Variants in ZFAND4 observed in about 807,000 individuals in gnomAD.
ZFAND4 encodes the protein AN1-type zinc finger protein 4.
In ZFAND4, 43 loss-of-function variants were observed where a neutral mutation model predicts 64.4. The observed-to-expected ratio is 0.67, with a 90% CI of 0.52 to 0.86. The LOEUF is 0.86. Among genes scored for constraint, ZFAND4 ranks in the 40% least tolerant of loss-of-function variants. The pLI, the probability that ZFAND4 is intolerant of heterozygous loss-of-function variation, is 0.00. For synonymous variants in ZFAND4, 296 were observed against 305.7 expected (o/e 0.97, Z 0.33); for missense variants, 929 against 859.8 (o/e 1.08, Z -1.01).
chr10:45,647,175 T>C (rs2047439208), intron 5 of ZFAND4, among the ~76,000 whole-genome samples: 1 of 152,128 alleles, frequency 6.6e-6, no homozygotes, highest in South Asian at 2.1e-4. Context: ...TGGTTTTGGG[T>C]TCATCAAAAG....
rs75754797 is a variant in ZFAND4 at position 45,649,438 on chromosome 10, G to A, written c.329-904C>T. Among the ~76,000 whole-genome samples the A allele has an allele frequency of 5.3e-5, 8 of 152,214 alleles. No individual in the cohort carries two copies. The South Asian group carries it at 1.2e-3, about 24-fold the overall frequency. On this transcript the variant is annotated intron_variant, in intron 4 of 9. Transcript: ENST00000344646. ...GAAACATCTGTTTTCTCCTAAAAGA[G>A]GTAAAGATTTCCCAAGCTGCATAAC...
At chr10:45,644,577 A>T (rs2047241540) in intron 5 of ZFAND4, among the ~76,000 whole-genome samples, 1 of 152,230 alleles carries the variant, frequency 6.6e-6, no homozygotes, top group Admixed American at 6.5e-5. Context: ...TTAATTCACT[A>T]TTGATCACAG....
At chr10:45,644,191 T>C (rs1352650161) in intron 5 of ZFAND4, among the ~76,000 whole-genome samples, 4 of 152,162 alleles carry the variant, frequency 2.6e-5, no homozygotes, top group African/African-American at 9.7e-5. Context: ...TCTGTGACTT[T>C]TTTTATTACT....
intron 2 of ZFAND4, among the ~76,000 whole-genome samples, chr10:45,658,372 C>T (rs549924577): frequency 6.6e-6 from 1 of 152,248 alleles, no homozygotes; most frequent in South Asian, 2.1e-4. Flanking sequence ...ATTCTACAGC[C>T]CTCAGAAGGA....
chr10:45,647,542 C>T (rs1344161533), intron 5 of ZFAND4, among the ~76,000 whole-genome samples: 1 of 151,194 alleles, frequency 6.6e-6, no homozygotes, highest in Non-Finnish European at 1.5e-5. Context: ...GTCACTTCTT[C>T]TCAGAGGATG....
At chr10:45,650,290 C>T (rs1440276346) in intron 4 of ZFAND4, 1 of 152,064 alleles carries the variant, frequency 6.6e-6, no homozygotes, top group Non-Finnish European at 1.5e-5. Context: ...CTGAGTAGCC[C>T]GCCACCATGC....
intron 8 of ZFAND4, among the ~76,000 whole-genome samples, chr10:45,619,805 A>G (rs1213117122): frequency 6.6e-6 from 1 of 152,180 alleles, no homozygotes; most frequent in Non-Finnish European, 1.5e-5. Flanking sequence ...TGCCAAAACT[A>G]GAAACAAAAT....
At chr10:45,640,327 G>A (rs2046897781) in intron 5 of ZFAND4, 2 of 1,252,472 alleles carry the variant, frequency 1.6e-6, no homozygotes, top group Admixed American at 3.1e-5. Flanking sequence ...GTGCAACCCA[G>A]ACAACAGGCT....
intron 8 of ZFAND4, among the ~76,000 whole-genome samples, chr10:45,621,635 G>A (rs1484907098): frequency 5.3e-5 from 8 of 151,920 alleles, no homozygotes; most frequent in Non-Finnish European, 7.4e-5. Context: ...CCAGCTGCTC[G>A]GGAGGCTGAG....
intron 6 of ZFAND4, among the ~76,000 whole-genome samples, chr10:45,639,262 A>G (rs369774838): frequency 2.2e-4 from 33 of 152,322 alleles, no homozygotes; most frequent in African/African-American, 7.9e-4. Context: ...AAGGGTATCC[A>G]AATGCCCAAT....
At position 45,657,572 on chromosome 10, in the gene ZFAND4, C is replaced by G. The variant is rs969115762; in HGVS notation, c.185-4513G>C. Among the ~76,000 whole-genome samples, 6 of 152,156 alleles carry G rather than the reference C, an allele frequency of 3.9e-5. No homozygotes were observed. The East Asian group carries it at 1.2e-3, about 29-fold the overall frequency. On this transcript the variant is annotated intron_variant, in intron 2 of 9. Transcript: ENST00000344646. ...ACTATATACTTCCTATGCAATTCAG[C>G]AATTCCACTCTTAAGTATTTACCCA...
chr10:45,616,909 T>C (rs1450358747), intron 9 of ZFAND4, among the ~76,000 whole-genome samples: 1 of 151,854 alleles, frequency 6.6e-6, no homozygotes. Context: ...TGAAAACCCA[T>C]CTCTATTAAA....
chr10:45,631,383 CA>C (rs989252550), intron 6 of ZFAND4, among the ~76,000 whole-genome samples: 9 of 131,892 alleles, frequency 6.8e-5, no homozygotes, highest in Non-Finnish European at 1.4e-4. Flanking sequence ...AAAAAAAAAA[CA>C]TATAAATTCT....
At chr10:45,621,959 G>A (rs1370509923) in intron 8 of ZFAND4, among the ~76,000 whole-genome samples, 1 of 152,182 alleles carries the variant, frequency 6.6e-6, no homozygotes, top group East Asian at 1.9e-4. Flanking sequence ...AGTTTCAGAA[G>A]AGCAGTGAGA....
chr10:45,625,324 A>C (rs1156309399), intron 7 of ZFAND4, among the ~76,000 whole-genome samples: 1 of 147,792 alleles, frequency 6.8e-6, no homozygotes, highest in African/African-American at 2.5e-5. Flanking sequence ...TACAAAAAAA[A>C]TTAGCCAGGC....
chr10:45,642,995 G>A (rs530786755), intron 5 of ZFAND4, among the ~76,000 whole-genome samples: 2,447 of 129,246 alleles, frequency 0.019, 79 homozygotes, highest in African/African-American at 0.066. Flanking sequence ...TCGGCTCACC[G>A]CAACCTCCAC....
At chr10:45,618,051 A>C in intron 9 of ZFAND4, 89 bp downstream of exon 9, 3 of 1,363,518 alleles carry the variant, frequency 2.2e-6, no homozygotes, top group Non-Finnish European at 3.0e-6. Flanking sequence ...GATGTTATAA[A>C]CAGGCAATTT....
intron 6 of ZFAND4, 42 bp downstream of exon 6, chr10:45,639,774 G>C (rs777209213): frequency 8.0e-5 from 125 of 1,567,298 alleles, no homozygotes; most frequent in Non-Finnish European, 1.0e-4. Flanking sequence ...GCTCTGCAGG[G>C]GTAAGCTAGA....
intron 5 of ZFAND4, among the ~76,000 whole-genome samples, chr10:45,643,121 T>C (rs1447453730): frequency 2.0e-5 from 3 of 150,518 alleles, no homozygotes; most frequent in Non-Finnish European, 1.5e-5. Context: ...GGTTTCTCCA[T>C]GTTGGTCAGA....
Sources: allele counts gnomAD v4.1 joint callset (sites outside exome capture counted in the v4.1 genomes callset), GRCh38; gene constraint gnomAD v4.1.1; transcripts MANE v1.5; gene names NCBI Gene and HGNC (gene_info 2026-07-23, HGNC 2026-07-21).